STK33: variants seen among roughly 807,000 people sequenced by gnomAD.
STK33 encodes the protein serine/threonine kinase 33, also known as serine/threonine-protein kinase 33.
Under a neutral mutation model 58.0 loss-of-function variants are expected in STK33, and 52 were observed. The observed-to-expected ratio is 0.90, with a 90% CI of 0.72 to 1.13. The LOEUF is 1.13. Ranked by LOEUF, STK33 falls within the 50% of genes most tolerant of loss-of-function variation. STK33 has a pLI of 0.00. For missense variants in STK33, 630 were observed against 604.2 expected (o/e 1.04, Z -0.45); for synonymous variants, 215 against 200.1 (o/e 1.07, Z -0.63).
At chr11:8,464,484 T>C (rs1947930218) in intron 7 of STK33, among the ~76,000 whole-genome samples, 2 of 152,176 alleles carry the variant, frequency 1.3e-5, no homozygotes, top group African/African-American at 4.8e-5. Context: ...ATATTGGTTA[T>C]GTTATTCCTT....
chr11:8,393,924 C>G (rs117334215), intron 15 of STK33, among the ~76,000 whole-genome samples: 7,242 of 152,256 alleles, frequency 0.048, 254 homozygotes, highest in Non-Finnish European at 0.065. Flanking sequence ...TGTTTGCTTG[C>G]TGAAGAAAGC....
chr11:8,559,310 C>A (rs1252206479), intron 1 of STK33, among the ~76,000 whole-genome samples: 2 of 152,308 alleles, frequency 1.3e-5, no homozygotes, highest in South Asian at 4.1e-4. Flanking sequence ...AATGGCATAG[C>A]CAAGTTCACA....
chr11:8,391,574 A>G (rs1848628299), downstream of STK33, among the ~76,000 whole-genome samples: 1 of 152,218 alleles, frequency 6.6e-6, no homozygotes, highest in Non-Finnish European at 1.5e-5. Flanking sequence ...GAATGGAACT[A>G]GGTTATGACT....
the STK33 span, among the ~76,000 whole-genome samples, chr11:8,370,065 G>A: frequency 6.6e-6 from 1 of 152,232 alleles, no homozygotes; most frequent in African/African-American, 2.4e-5. Flanking sequence ...ATGAAGGCAG[G>A]AGGAGACCCC....
intron 12 of STK33, 58 bp downstream of exon 12, chr11:8,440,620 A>T: frequency 8.6e-6 from 12 of 1,389,228 alleles, no homozygotes; most frequent in South Asian, 4.2e-5. Context: ...AGTCTATATC[A>T]CTCTACTGTT....
downstream of STK33, among the ~76,000 whole-genome samples, chr11:8,390,076 T>C (rs1848597518): frequency 1.3e-5 from 2 of 152,200 alleles, no homozygotes; most frequent in Admixed American, 6.5e-5. Context: ...TTTATTTTCA[T>C]TTTGCTCCAC....
At chr11:8,449,553 G>A (rs1471555575) in intron 11 of STK33, among the ~76,000 whole-genome samples, 1 of 147,954 alleles carries the variant, frequency 6.8e-6, no homozygotes, top group Admixed American at 6.7e-5. Context: ...AACACCGCAT[G>A]TTCTCACTCA....
rs550787324 is a variant in STK33, at chr11:8,436,135, G to A, written c.952C>T (p.Arg318Cys). 1.4e-5 allele frequency: 21 copies of A among 1,549,080 alleles called. No homozygotes were observed. The highest frequency in any genetic ancestry group is 3.8e-5 in the South Asian group (3 of 79,016). The change falls in exon 13 of 16, where the codon CGT becomes TGT. Residue 318 changes from arginine (R) to cysteine (C), a missense_variant. Arg to Cys is a radical substitution (Grantham distance 180). Coordinates refer to ENST00000687296, the MANE Select transcript of STK33 (RefSeq NM_001352389.2). ...SIGVVMYMLLRGEPPFLASSE... is the reference protein window; with the variant it reads ...SIGVVMYMLLCGEPPFLASSE... ...CTTGCCAAAAAGGGTGGTTCTCCAC[G>A]TAATCTGCAACAAAGGCAATCACTT...
At chr11:8,483,751 G>T (rs1021382148) in intron 1 of STK33, among the ~76,000 whole-genome samples, 2 of 152,150 alleles carry the variant, frequency 1.3e-5, no homozygotes, top group African/African-American at 2.4e-5. Context: ...AAAATTTAGT[G>T]ACAAATTCAC....
chr11:8,347,230 GC>G, the STK33 span, among the ~76,000 whole-genome samples: 2 of 152,184 alleles, frequency 1.3e-5, no homozygotes, highest in Non-Finnish European at 1.5e-5. Context: ...GCTCATGGTG[GC>G]AAAGGGAAGG....
intron 15 of STK33, among the ~76,000 whole-genome samples, chr11:8,398,325 G>C (rs1019058662): frequency 3.2e-4 from 48 of 152,268 alleles, no homozygotes; most frequent in Non-Finnish European, 3.5e-4. Flanking sequence ...TTAAAGCAAA[G>C]AATTTTCAAC....
At chr11:8,571,830 C>T (rs1179050741) in intron 1 of STK33, among the ~76,000 whole-genome samples, 1 of 133,436 alleles carries the variant, frequency 7.5e-6, no homozygotes, top group Non-Finnish European at 1.6e-5. Flanking sequence ...GAGACCCAGT[C>T]TCAAAAAAAA....
chr11:8,507,535 C>T (rs1204089932), intron 1 of STK33, among the ~76,000 whole-genome samples: 1 of 152,066 alleles, frequency 6.6e-6, no homozygotes, highest in Non-Finnish European at 1.5e-5. Flanking sequence ...TTGATGACTC[C>T]TGTGGTAAAG....
intron 1 of STK33, among the ~76,000 whole-genome samples, chr11:8,538,743 G>T (rs1376943998): frequency 6.6e-6 from 1 of 152,180 alleles, no homozygotes; most frequent in Non-Finnish European, 1.5e-5. Context: ...CTTGTTGAAT[G>T]AATGAACACA....
chr11:8,573,967 A>G (rs1264238416), intron 1 of STK33, among the ~76,000 whole-genome samples: 1 of 152,200 alleles, frequency 6.6e-6, no homozygotes, highest in Non-Finnish European at 1.5e-5. Flanking sequence ...CAGGGTGATG[A>G]TGCAGTTCTG....
the STK33 span, among the ~76,000 whole-genome samples, chr11:8,379,095 A>G: frequency 3.9e-5 from 6 of 152,194 alleles, no homozygotes; most frequent in South Asian, 2.1e-4. Context: ...AGCCATATGT[A>G]GAACAATGAA....
At chr11:8,467,810 T>A (rs921468527) in intron 6 of STK33, among the ~76,000 whole-genome samples, 2 of 152,114 alleles carry the variant, frequency 1.3e-5, no homozygotes, top group Non-Finnish European at 2.9e-5. Context: ...CTGGGTGTGG[T>A]GGCCTGTGCC....
At chr11:8,429,320 TTC>T (rs1248573735) in intron 14 of STK33, among the ~76,000 whole-genome samples, 1 of 152,196 alleles carries the variant, frequency 6.6e-6, no homozygotes, top group Non-Finnish European at 1.5e-5. Context: ...TTTTTCAAAA[TTC>T]TTTTTTGTTA....
chr11:8,494,995 G>A (rs907448137), intron 1 of STK33, among the ~76,000 whole-genome samples: 13 of 152,220 alleles, frequency 8.5e-5, no homozygotes, highest in Non-Finnish European at 1.8e-4. Flanking sequence ...AAAAACCCTA[G>A]AAGAAAACCT....
Sources: gnomAD v4.1 joint callset for allele counts (sites outside exome capture counted in the v4.1 genomes callset) on GRCh38, gnomAD v4.1.1 for gene constraint, MANE v1.5 for transcripts, NCBI Gene and HGNC (gene_info 2026-07-23, HGNC 2026-07-21) for gene names.